The following AGMO variants were observed in gnomAD, a reference collection of about 807,000 sequenced individuals.
The protein encoded by AGMO is alkylglycerol monooxygenase.
In AGMO, 75 loss-of-function variants were observed where a neutral mutation model predicts 60.2. The observed-to-expected ratio is 1.25, with a 90% confidence interval of 1.03 to 1.51. The LOEUF is 1.51. Among genes scored for constraint, AGMO ranks in the 40% most tolerant of loss-of-function variants. The pLI, the probability that AGMO is intolerant of heterozygous loss-of-function variation, is 0.00. For synonymous variants in AGMO, 261 were observed against 177.1 expected (o/e 1.47, Z -3.76); for missense variants, 763 against 525.5 (o/e 1.45, Z -4.42).
At position 15,367,387 on chromosome 7, in the gene AGMO, T is replaced by G. The variant is rs139099160; in HGVS notation, c.1075-1165A>C. Among the ~76,000 whole-genome samples the G allele has an allele frequency of 4.6e-4, 70 of 152,234 alleles. No homozygotes were observed. In the East Asian group the frequency reaches 0.013, roughly 29 times the overall value. On this transcript the variant is annotated intron_variant, in intron 10 of 12. Transcript: ENST00000342526. ...ACTATTTTACAGCTTCTATGGCATG[T>G]GTTTCTTGTACTTTAATTTTGTTAC...
At chr7:15,436,372 A>G (rs541422471) in intron 3 of AGMO, among the ~76,000 whole-genome samples, 1 of 152,150 alleles carries the variant, frequency 6.6e-6, no homozygotes, top group Non-Finnish European at 1.5e-5. Context: ...ATTCCTTCTA[A>G]GTGGAAGAAC....
At chr7:15,164,029 G>C in the AGMO span, among the ~76,000 whole-genome samples, 3 of 151,934 alleles carry the variant, frequency 2.0e-5, no homozygotes, top group African/African-American at 4.8e-5. Flanking sequence ...AAAACAGCAT[G>C]GTACTTGTAT....
intron 3 of AGMO, among the ~76,000 whole-genome samples, chr7:15,438,930 A>T (rs983951084): frequency 6.6e-6 from 1 of 152,222 alleles, no homozygotes; most frequent in South Asian, 2.1e-4. Flanking sequence ...GTGATTTATC[A>T]GTCTATCTTC....
At chr7:15,549,731 C>T (rs1255715228) in intron 2 of AGMO, among the ~76,000 whole-genome samples, 1 of 150,612 alleles carries the variant, frequency 6.6e-6, no homozygotes, top group African/African-American at 2.4e-5. Context: ...GACTTTAACA[C>T]CTCACTGTCA....
the AGMO span, among the ~76,000 whole-genome samples, chr7:15,169,043 C>T: frequency 6.6e-6 from 1 of 152,098 alleles, no homozygotes; most frequent in African/African-American, 2.4e-5. Context: ...TATTATTGGT[C>T]CCAGGTGGAT....
intron 12 of AGMO, among the ~76,000 whole-genome samples, chr7:15,362,239 A>G (rs932843849): frequency 6.6e-6 from 1 of 152,216 alleles, no homozygotes; most frequent in African/African-American, 2.4e-5. Context: ...TTTGAAATTC[A>G]TAATTAATAA....
At chr7:15,190,357 G>T in the AGMO span, among the ~76,000 whole-genome samples, 78,410 of 149,632 alleles carry the variant, frequency 0.52, 21,456 homozygotes, top group African/African-American at 0.69. Context: ...AAAGAAGCAG[G>T]TTATCAACTA....
intron 12 of AGMO, among the ~76,000 whole-genome samples, chr7:15,351,786 A>G (rs1782251978): frequency 6.6e-6 from 1 of 152,342 alleles, no homozygotes; most frequent in East Asian, 1.9e-4. Context: ...ATACGGCTAG[A>G]GATAAAAACA....
intron 3 of AGMO, among the ~76,000 whole-genome samples, chr7:15,433,767 T>C (rs1781322484): frequency 1.2e-5 from 1 of 80,016 alleles, no homozygotes; most frequent in African/African-American, 4.4e-5. Context: ...TTATAGATTA[T>C]ATTAATATAT....
intron 12 of AGMO, among the ~76,000 whole-genome samples, chr7:15,289,054 T>C (rs1198696059): frequency 6.6e-6 from 1 of 151,888 alleles, no homozygotes; most frequent in Non-Finnish European, 1.5e-5. Flanking sequence ...TCTTTAAATT[T>C]TCTTTTCCTA....
intron 3 of AGMO, among the ~76,000 whole-genome samples, chr7:15,461,051 G>C (rs183285329): frequency 6.6e-6 from 1 of 152,094 alleles, no homozygotes; most frequent in Admixed American, 6.6e-5. Context: ...TGTATTTCCT[G>C]CTCTAATAGG....
intron 3 of AGMO, among the ~76,000 whole-genome samples, chr7:15,451,678 A>G (rs1055508263): frequency 6.6e-6 from 1 of 152,166 alleles, no homozygotes; most frequent in Non-Finnish European, 1.5e-5. Context: ...TTAGTATAAG[A>G]GTGATAAAAG....
At chr7:15,204,026 T>A (rs1203614669) in intron 12 of AGMO, among the ~76,000 whole-genome samples, 1 of 152,066 alleles carries the variant, frequency 6.6e-6, no homozygotes, top group Non-Finnish European at 1.5e-5. Context: ...TGGCAAAGGA[T>A]CATAGAAATA....
chr7:15,354,398 GTGTGTGTACACA>G (rs1563105250), intron 12 of AGMO, among the ~76,000 whole-genome samples: 4 of 27,430 alleles, frequency 1.5e-4, no homozygotes, highest in African/African-American at 2.9e-4. Context: ...GTGTATACAC[GTGTGTGTACACA>G]CGTGTGTGTA....
intron 3 of AGMO, among the ~76,000 whole-genome samples, chr7:15,463,129 TA>T (rs1782188595): frequency 6.6e-6 from 1 of 152,168 alleles, no homozygotes; most frequent in Non-Finnish European, 1.5e-5. Context: ...TTGATATGCT[TA>T]TTAAGGATGT....
At chr7:15,131,964 C>T in the AGMO span, among the ~76,000 whole-genome samples, 4 of 152,150 alleles carry the variant, frequency 2.6e-5, no homozygotes, top group East Asian at 7.8e-4. Context: ...CTCCTGTCTG[C>T]CTCCAAGCTC....
chr7:15,247,918 A>G (rs1407390278), intron 12 of AGMO, among the ~76,000 whole-genome samples: 1 of 151,772 alleles, frequency 6.6e-6, no homozygotes, highest in East Asian at 2.0e-4. Context: ...ACAGAGGATG[A>G]ATGCCTATAT....
intron 3 of AGMO, among the ~76,000 whole-genome samples, chr7:15,506,828 A>G (rs1172603152): frequency 6.6e-6 from 1 of 151,962 alleles, no homozygotes; most frequent in Non-Finnish European, 1.5e-5. Context: ...AGAGAGACAG[A>G]GAGTCCCTAA....
intron 10 of AGMO, among the ~76,000 whole-genome samples, chr7:15,366,730 T>C (rs6970882): frequency 0.26 from 39,143 of 151,886 alleles, 6,208 homozygotes; most frequent in East Asian, 0.47. Flanking sequence ...TACATGCTCA[T>C]ATATACATGT....
Sources: gnomAD v4.1 joint callset for allele counts (sites outside exome capture counted in the v4.1 genomes callset) on GRCh38, gnomAD v4.1.1 for gene constraint, MANE v1.5 for transcripts, NCBI Gene and HGNC (gene_info 2026-07-23, HGNC 2026-07-21) for gene names.